Variants in PSMB7 observed in about 807,000 individuals in gnomAD.
PSMB7 encodes the protein proteasome 20S subunit beta 7, also known as proteasome subunit beta type-7.
A neutral mutation model predicts 28.1 loss-of-function variants in PSMB7; 5 were observed. That is an observed-to-expected ratio of 0.18 (90% CI 0.09 to 0.37). The LOEUF is 0.37. PSMB7 is among the 10% of genes least tolerant of loss of function. PSMB7 has a pLI of 1.00. For missense variants in PSMB7, 275 were observed against 346.2 expected, an observed-to-expected ratio of 0.79 and a Z score of 1.63; for synonymous variants, 122 against 123.7, an observed-to-expected ratio of 0.99 and a Z score of 0.09.
chr9:124,415,427 T>C lies in PSMB7; in HGVS notation c.-2A>G. 1 of 1,614,104 alleles carries C rather than the reference T, an allele frequency of 6.2e-7. No homozygotes were observed. Among genetic ancestry groups the C allele is most frequent in the Non-Finnish European group, 8.5e-7 (1 of 1,179,966 alleles). ...AGCATACACCGACACAGCCGCCATC[T>C]TCCCAAGAAAGCAGTTCCGGGTCGG... On this transcript the variant is annotated 5_prime_UTR_variant, in exon 1 of 8. Transcript: ENST00000259457.
At chr9:124,398,490 CA>C in intron 5 of PSMB7, 1 of 355,056 alleles carries the variant, frequency 2.8e-6, no homozygotes, top group Non-Finnish European at 5.7e-6. Flanking sequence ...TGGAAAGAAA[CA>C]AAAAGTAAAA....
intron 6 of PSMB7, among the ~76,000 whole-genome samples, chr9:124,380,455 C>T (rs1265705647): frequency 6.6e-6 from 1 of 152,078 alleles, no homozygotes; most frequent in Non-Finnish European, 1.5e-5. Context: ...GCGAGAAGAT[C>T]ACTTGAGCCT....
At chr9:124,402,659 G>T (rs1400108430) in intron 5 of PSMB7, among the ~76,000 whole-genome samples, 1 of 152,106 alleles carries the variant, frequency 6.6e-6, no homozygotes, top group East Asian at 1.9e-4. Flanking sequence ...ATCAGTGTTT[G>T]TTGAACGTTA....
chr9:124,403,621 A>G (rs965643458), intron 5 of PSMB7, among the ~76,000 whole-genome samples: 1 of 152,226 alleles, frequency 6.6e-6, no homozygotes, highest in East Asian at 1.9e-4. Flanking sequence ...ACTACTATTT[A>G]CAGGCCAGGC....
chr9:124,358,614 G>A (rs1830437315), intron 6 of PSMB7, among the ~76,000 whole-genome samples: 1 of 152,190 alleles, frequency 6.6e-6, no homozygotes, highest in Admixed American at 6.5e-5. Context: ...TAGATAGACA[G>A]CAAAAACCAA....
At chr9:124,374,665 T>A (rs546362870) in intron 6 of PSMB7, among the ~76,000 whole-genome samples, 104 of 151,774 alleles carry the variant, frequency 6.9e-4, no homozygotes, top group African/African-American at 2.2e-3. Flanking sequence ...TATCTAAAAA[T>A]TTTTTTTTAA....
chr9:124,381,976 T>A (rs1830671596), intron 6 of PSMB7, among the ~76,000 whole-genome samples: 1 of 151,946 alleles, frequency 6.6e-6, no homozygotes, highest in Non-Finnish European at 1.5e-5. Context: ...AAAGTGATTT[T>A]CAGCCGGGCA....
At chr9:124,357,053 G>A (rs1426723027) in intron 6 of PSMB7, 138 bp from the exon 7 acceptor site, 1 of 1,009,066 alleles carries the variant, frequency 9.9e-7, no homozygotes, top group Non-Finnish European at 1.4e-6. Flanking sequence ...CACAGATGAG[G>A]AAAAGATCTC....
At chr9:124,393,335 C>T (rs1394741522) in intron 5 of PSMB7, among the ~76,000 whole-genome samples, 1 of 152,162 alleles carries the variant, frequency 6.6e-6, no homozygotes, top group Non-Finnish European at 1.5e-5. Context: ...AATCTTGCAT[C>T]GCTTGCTGAA....
chr9:124,357,400 CT>C (rs1380626937), intron 6 of PSMB7, among the ~76,000 whole-genome samples: 4 of 152,182 alleles, frequency 2.6e-5, no homozygotes, highest in African/African-American at 9.7e-5. Context: ...TAACTATCCC[CT>C]GATCAAGAAT....
intron 5 of PSMB7, among the ~76,000 whole-genome samples, chr9:124,398,015 A>T (rs1830859040): frequency 6.6e-6 from 1 of 152,162 alleles, no homozygotes; most frequent in Non-Finnish European, 1.5e-5. Flanking sequence ...TAAAAATACA[A>T]AAATTAGCAG....
At position 124,384,621 on chromosome 9, in the gene PSMB7, C is replaced by G; in HGVS notation, c.547G>C (p.Asp183His). Reference protein sequence around the residue: ...GSLAAMAVFEDKFRPDMEEEE... With the variant: ...GSLAAMAVFEHKFRPDMEEEE... ...ACCTCCATGTCTGGCCTAAACTTAT[C>G]TTCAAATACAGCCATTGCTGCCAAG... Residue 183 changes from aspartate to histidine, a missense_variant, in exon 6 of 8, where the codon GAT becomes CAT. By Grantham distance (81) the Asp-to-His change is moderately conservative. Coordinates refer to ENST00000259457, the MANE Select transcript of PSMB7 (RefSeq NM_002799.4). The G allele has an allele frequency of 6.2e-7, 1 of 1,613,650 alleles. No homozygotes were observed. Among genetic ancestry groups the G allele is most frequent in the Non-Finnish European group, 8.5e-7 (1 of 1,179,788 alleles).
intron 5 of PSMB7, among the ~76,000 whole-genome samples, chr9:124,393,361 T>G (rs970454776): frequency 2.0e-5 from 3 of 152,242 alleles, no homozygotes; most frequent in Admixed American, 1.3e-4. Flanking sequence ...GATTTGTCCT[T>G]TGTCAGCATA....
At chr9:124,410,809 C>T (rs1418762735) in intron 4 of PSMB7, among the ~76,000 whole-genome samples, 2 of 152,050 alleles carry the variant, frequency 1.3e-5, no homozygotes, top group Admixed American at 6.6e-5. Flanking sequence ...GATGAGGACC[C>T]GCAAATTATC....
At chr9:124,414,613 A>G (rs1335559161) in intron 2 of PSMB7, among the ~76,000 whole-genome samples, 2 of 147,066 alleles carry the variant, frequency 1.4e-5, no homozygotes, top group African/African-American at 5.0e-5. Flanking sequence ...GACCTGTTTA[A>G]AAAAAAAAAA....
chr9:124,368,656 T>A (rs997414987), intron 6 of PSMB7, among the ~76,000 whole-genome samples: 2 of 152,250 alleles, frequency 1.3e-5, no homozygotes, highest in Non-Finnish European at 2.9e-5. Flanking sequence ...TGGCCATTTG[T>A]TGATTGTAAA....
intron 6 of PSMB7, among the ~76,000 whole-genome samples, chr9:124,359,406 G>A (rs893494390): frequency 4.6e-5 from 7 of 152,194 alleles, no homozygotes; most frequent in Non-Finnish European, 1.0e-4. Context: ...ACTCTAACGT[G>A]CCAAGCCCTG....
At chr9:124,368,127 A>G (rs955461353) in intron 6 of PSMB7, among the ~76,000 whole-genome samples, 8 of 152,230 alleles carry the variant, frequency 5.3e-5, no homozygotes, top group Non-Finnish European at 1.2e-4. Flanking sequence ...TATATTCTAA[A>G]AAGACACAGA....
At chr9:124,415,283 T>C in intron 1 of PSMB7, 81 bp downstream of exon 1, 1 of 1,415,246 alleles carries the variant, frequency 7.1e-7, no homozygotes, top group East Asian at 2.3e-5. Flanking sequence ...CTCAGAATTC[T>C]CGTATCACAC....
Sources: gnomAD v4.1 joint callset for allele counts (sites outside exome capture counted in the v4.1 genomes callset) on GRCh38, gnomAD v4.1.1 for gene constraint, MANE v1.5 for transcripts, NCBI Gene and HGNC (gene_info 2026-07-23, HGNC 2026-07-21) for gene names.